Variants in MAL observed in about 807,000 individuals in gnomAD.
The protein encoded by MAL is myelin and lymphocyte protein.
In MAL, 5 loss-of-function variants were observed where a neutral mutation model predicts 16.7. The ratio of observed to expected loss-of-function variants is 0.30; its 90% CI spans 0.16 to 0.63. The LOEUF is 0.63. Among genes scored for constraint, MAL ranks in the 30% least tolerant of loss-of-function variants. MAL has a pLI of 0.82. For missense variants in MAL, 202 were observed against 195.8 expected, an observed-to-expected ratio of 1.03 and a Z score of -0.19; for synonymous variants, 96 against 85.5, an observed-to-expected ratio of 1.12 and a Z score of -0.67.
Position 95,025,981 on chromosome 2 carries a change from G to T in MAL, c.93+96G>T. The T allele has an allele frequency of 8.9e-7, 1 of 1,125,738 alleles. No individual in the cohort carries two copies. The highest frequency in any genetic ancestry group is 1.3e-6 in the Non-Finnish European group (1 of 791,940). 69.7% of individuals were successfully genotyped at this position (1,125,738 alleles called of 1,614,324 possible). ...CTGTCGGACGGGATCCGCTAGCTGCGCAGGTTCTGGGAGCATCGGGGCAGC... is the reference window on the plus strand; with the variant it reads ...CTGTCGGACGGGATCCGCTAGCTGCTCAGGTTCTGGGAGCATCGGGGCAGC... On this transcript the variant is annotated intron_variant, in intron 1 of 3. Coordinates refer to ENST00000309988, the MANE Select transcript of MAL (RefSeq NM_002371.4). This position sits in a 1 kb window ranked among gnomAD's most constrained non-coding sequence, Gnocchi z 5.6.
intron 1 of MAL, among the ~76,000 whole-genome samples, chr2:95,038,265 T>A (rs1674305246): frequency 6.7e-6 from 1 of 149,432 alleles, no homozygotes; most frequent in African/African-American, 2.5e-5. Context: ...ACTGAGTGAG[T>A]GAGAGACTGA....
intron 3 of MAL, 39 bp from the exon 4 acceptor site, chr2:95,053,342 C>T (rs1441528061): frequency 7.0e-6 from 10 of 1,430,394 alleles, no homozygotes; most frequent in African/African-American, 1.4e-5. Context: ...CTCGCCCTCC[C>T]TACACAAACC....
intron 1 of MAL, among the ~76,000 whole-genome samples, chr2:95,038,188 GTTAC>G (rs1461118205): frequency 7.2e-5 from 10 of 138,636 alleles, no homozygotes; most frequent in Admixed American, 1.5e-4. Flanking sequence ...GACTGTGTGA[GTTAC>G]TGAGTGAGTG....
chr2:95,048,149 G>A, intron 2 of MAL, 23 bp downstream of exon 2: 1 of 1,595,284 alleles, frequency 6.3e-7, no homozygotes, highest in Non-Finnish European at 8.6e-7. Flanking sequence ...CAGGGTGGCT[G>A]CTGGTTGTAG....
chr2:95,026,043 C>A (rs761374875), intron 1 of MAL, among the ~76,000 whole-genome samples, 158 bp downstream of exon 1: 1 of 152,196 alleles, frequency 6.6e-6, no homozygotes, highest in African/African-American at 2.4e-5. Flanking sequence ...GAAGTCCCCT[C>A]CCACCTCCGG....
chr2:95,040,408 CACACAT>C (rs1413237217), intron 1 of MAL, among the ~76,000 whole-genome samples: 11 of 152,314 alleles, frequency 7.2e-5, no homozygotes, highest in African/African-American at 2.4e-4. Flanking sequence ...TACACACACA[CACACAT>C]ACACATACAT....
At chr2:95,039,899 A>G (rs1368389218) in intron 1 of MAL, among the ~76,000 whole-genome samples, 1 of 152,102 alleles carries the variant, frequency 6.6e-6, no homozygotes, top group Admixed American at 6.5e-5. Flanking sequence ...AGAGTCCCCT[A>G]TCCTCCCTCT....
intron 1 of MAL, among the ~76,000 whole-genome samples, chr2:95,039,432 G>C (rs1157742196): frequency 6.6e-6 from 1 of 150,862 alleles, no homozygotes; most frequent in Non-Finnish European, 1.5e-5. Context: ...GAGTGACTGA[G>C]TGACTGAGTG....
chr2:95,036,750 CGAGTGAGTGACTGAGT>C (rs1056612589), intron 1 of MAL, among the ~76,000 whole-genome samples: 12 of 104,172 alleles, frequency 1.2e-4, no homozygotes, highest in South Asian at 3.4e-4. Flanking sequence ...AGTGAGTGAC[CGAGTGAGTGACTGAGT>C]GAGTGAGTGA....
chr2:95,028,681 A>G (rs1394178164), intron 1 of MAL, among the ~76,000 whole-genome samples: 1 of 152,244 alleles, frequency 6.6e-6, no homozygotes, highest in Non-Finnish European at 1.5e-5. Flanking sequence ...ACTGAATAAC[A>G]AAGTGCGACA....
chr2:95,047,759 G>A (rs565079366), intron 1 of MAL, among the ~76,000 whole-genome samples, 200 bp from the exon 2 acceptor site: 114 of 152,304 alleles, frequency 7.5e-4, no homozygotes, highest in Non-Finnish European at 1.3e-3. Flanking sequence ...CAAGCGTGCC[G>A]GGGATTGGGA....
Position 95,045,611 on chromosome 2 carries a change from G to A in MAL, c.94-2348G>A, listed in dbSNP as rs140971618. Among the ~76,000 whole-genome samples, 625 of 152,338 alleles carry A rather than the reference G, an allele frequency of 4.1e-3. 26 individuals carry two copies. Among genetic ancestry groups the A allele is most frequent in the Admixed American group, 0.034 (517 of 15,306 alleles). The stretch of plus-strand genomic sequence containing the variant: ...TCCCTGAGACTGTGTGAACGAGGAA[G>A]CAACTTAAATTGGTCCTCCTGGGAG... On this transcript the variant is annotated intron_variant, in intron 1 of 3. Transcript: ENST00000309988.
chr2:95,046,759 T>C (rs557474252), intron 1 of MAL, among the ~76,000 whole-genome samples: 1 of 151,418 alleles, frequency 6.6e-6, no homozygotes, highest in Non-Finnish European at 1.5e-5. Flanking sequence ...CCAAATCTGA[T>C]CATCAGAACA....
At chr2:95,047,688 G>A (rs1390843791) in intron 1 of MAL, among the ~76,000 whole-genome samples, 5 of 152,196 alleles carry the variant, frequency 3.3e-5, no homozygotes, top group African/African-American at 7.2e-5. Flanking sequence ...CTGTACTCAC[G>A]CCTGGGTGAC....
chr2:95,031,006 C>T (rs191241211), intron 1 of MAL, among the ~76,000 whole-genome samples: 7 of 152,286 alleles, frequency 4.6e-5, no homozygotes, highest in Admixed American at 2.6e-4. Flanking sequence ...GAGGCAGTTT[C>T]GCATTAGGTG....
At chr2:95,038,493 T>TCC in intron 1 of MAL, among the ~76,000 whole-genome samples, 1 of 150,910 alleles carries the variant, frequency 6.6e-6, no homozygotes, top group East Asian at 2.0e-4. Flanking sequence ...AGTGAGTGAG[T>TCC]GAGTGACTGA....
At chr2:95,034,251 C>T (rs1674154335) in intron 1 of MAL, among the ~76,000 whole-genome samples, 1 of 152,190 alleles carries the variant, frequency 6.6e-6, no homozygotes, top group Non-Finnish European at 1.5e-5. Flanking sequence ...GCTCTCCTCT[C>T]ACCAAGAAGG....
intron 1 of MAL, among the ~76,000 whole-genome samples, chr2:95,044,917 A>C (rs1011805123): frequency 5.9e-5 from 9 of 152,220 alleles, no homozygotes; most frequent in African/African-American, 2.2e-4. Flanking sequence ...ATCTTAAGCC[A>C]CGTGGGAAGA....
At chr2:95,035,999 C>T (rs190259513) in intron 1 of MAL, among the ~76,000 whole-genome samples, 5 of 152,314 alleles carry the variant, frequency 3.3e-5, no homozygotes, top group Admixed American at 2.6e-4. Context: ...TCCCAAATCT[C>T]TATCCCCTTC....
Sources: gnomAD v4.1 joint callset for allele counts (sites outside exome capture counted in the v4.1 genomes callset) on GRCh38, gnomAD v4.1.1 for gene constraint, Gnocchi (gnomAD v3.1) non-coding constraint, MANE v1.5 for transcripts, NCBI Gene and HGNC (gene_info 2026-07-23, HGNC 2026-07-21) for gene names.